PPARGC1B: variants seen among roughly 807,000 people sequenced by gnomAD.
PPARGC1B encodes the protein peroxisome proliferator-activated receptor gamma coactivator 1-beta.
In PPARGC1B, 34 loss-of-function variants were observed where a neutral mutation model predicts 101.6. That is an observed-to-expected ratio of 0.33 (90% CI 0.25 to 0.45). The LOEUF (loss-of-function observed/expected upper bound fraction) is 0.45. PPARGC1B is among the 20% of genes least tolerant of loss of function. The pLI, the probability that PPARGC1B is intolerant of heterozygous loss-of-function variation, is 1.00. For missense variants in PPARGC1B, 1,234 were observed against 1,317.6 expected, an observed-to-expected ratio of 0.94 and a Z score of 0.98; for synonymous variants, 548 against 539.3, an observed-to-expected ratio of 1.02 and a Z score of -0.22.
At chr5:149,786,569 CA>C (rs1444036201) in intron 1 of PPARGC1B, among the ~76,000 whole-genome samples, 3 of 152,192 alleles carry the variant, frequency 2.0e-5, no homozygotes, top group Non-Finnish European at 4.4e-5. Context: ...GAAGATTCCC[CA>C]GGGGCAGGAG....
In PPARGC1B at chr5:149,834,040, A is replaced by G. The variant is rs115989891; in HGVS notation, c.1705+262A>G. Among the ~76,000 whole-genome samples the G allele has an allele frequency of 4.4e-3, 664 of 152,388 alleles. 4 individuals are homozygous for G. The highest frequency in any genetic ancestry group is 0.014 in the African/African-American group (594 of 41,596). On this transcript the variant is annotated intron_variant, in intron 5 of 11. Transcript: ENST00000309241. ...ACTTAATGAATTAAGCAGGCAGTCAAAAAGTAAACAGAAAAGGAGGATAAT... is the reference window on the plus strand; with the variant it reads ...ACTTAATGAATTAAGCAGGCAGTCAGAAAGTAAACAGAAAAGGAGGATAAT...
chr5:149,742,955 A>G (rs7721656), intron 1 of PPARGC1B, among the ~76,000 whole-genome samples: 19,678 of 151,932 alleles, frequency 0.13, 1,470 homozygotes, highest in East Asian at 0.25. Flanking sequence ...ATCACTAGAT[A>G]TAGGTAAGAG....
intron 2 of PPARGC1B, among the ~76,000 whole-genome samples, chr5:149,825,522 C>CAGCT (rs1480280429): frequency 4.6e-5 from 7 of 152,368 alleles, no homozygotes; most frequent in African/African-American, 1.7e-4. Context: ...CTTTAAGTAT[C>CAGCT]AGCTGCTCAG....
At chr5:149,794,903 A>G (rs7718263) in intron 1 of PPARGC1B, among the ~76,000 whole-genome samples, 95,290 of 152,162 alleles carry the variant, frequency 0.63, 30,332 homozygotes, top group African/African-American at 0.71. Flanking sequence ...GTCTGCAGTC[A>G]TGGGGTGGGT....
At chr5:149,746,194 C>T (rs1007514210) in intron 1 of PPARGC1B, among the ~76,000 whole-genome samples, 1 of 152,062 alleles carries the variant, frequency 6.6e-6, no homozygotes, top group African/African-American at 2.4e-5. Context: ...CTTGCTGTTC[C>T]CTCTGCCGGC....
At chr5:149,815,935 G>C (rs563808638) in intron 1 of PPARGC1B, among the ~76,000 whole-genome samples, 1 of 152,328 alleles carries the variant, frequency 6.6e-6, no homozygotes, top group African/African-American at 2.4e-5. Context: ...AGCATGTATA[G>C]AAGGCACTTA....
downstream of PPARGC1B, among the ~76,000 whole-genome samples, chr5:149,855,821 TATAA>T (rs1254411164): frequency 2.6e-5 from 4 of 152,094 alleles, no homozygotes; most frequent in African/African-American, 9.7e-5. Flanking sequence ...GAGAATTATA[TATAA>T]ACAAGAACAG....
intron 1 of PPARGC1B, among the ~76,000 whole-genome samples, chr5:149,787,062 C>T (rs1203607817): frequency 6.6e-6 from 1 of 152,234 alleles, no homozygotes; most frequent in Non-Finnish European, 1.5e-5. Context: ...ACTCTGCTTT[C>T]CTCTGTGAGA....
intron 1 of PPARGC1B, among the ~76,000 whole-genome samples, chr5:149,762,136 T>C (rs1032096146): frequency 6.7e-6 from 1 of 148,920 alleles, no homozygotes; most frequent in African/African-American, 2.5e-5. Flanking sequence ...GTGGGTGACT[T>C]GGGTCAGGAA....
intron 1 of PPARGC1B, among the ~76,000 whole-genome samples, chr5:149,796,177 G>A (rs1026813245): frequency 6.6e-6 from 1 of 152,206 alleles, no homozygotes. Context: ...GTGTGACGGA[G>A]TAGGGAGGGT....
chr5:149,845,003 G>A (rs948532214), intron 10 of PPARGC1B, among the ~76,000 whole-genome samples: 2 of 152,220 alleles, frequency 1.3e-5, no homozygotes, highest in African/African-American at 4.8e-5. Context: ...GCAAAGACCT[G>A]AGATGGATTC....
intron 1 of PPARGC1B, among the ~76,000 whole-genome samples, chr5:149,797,716 T>C (rs961118963): frequency 1.3e-5 from 2 of 151,992 alleles, no homozygotes; most frequent in Admixed American, 1.3e-4. Flanking sequence ...AGGTGAGGAG[T>C]TCGAGACCAG....
At position 149,852,304 on chromosome 5, in the gene PPARGC1B, G is replaced by A. The variant is rs1759797042; in HGVS notation, c.*4746G>A. The A allele has an allele frequency of 1.3e-5, 2 of 152,194 alleles. No homozygotes were observed. Among genetic ancestry groups the A allele is most frequent in the South Asian group, 4.1e-4 (2 of 4,836 alleles). 9.4% of individuals were successfully genotyped at this position (152,194 alleles called of 1,614,324 possible). On this transcript the variant is annotated 3_prime_UTR_variant, in exon 12 of 12. Coordinates refer to ENST00000309241, the MANE Select transcript of PPARGC1B (RefSeq NM_133263.4). ...GCCCCTGTTTCCTCATCTACCAAAT[G>A]AGAATGTTGAATATGAGCATTAAAG...
intron 1 of PPARGC1B, among the ~76,000 whole-genome samples, chr5:149,805,479 C>T (rs1308550470): frequency 2.0e-5 from 3 of 152,062 alleles, no homozygotes; most frequent in Non-Finnish European, 2.9e-5. Flanking sequence ...TCACTGTGTC[C>T]CCCAGGCTGG....
Position 149,845,926 on chromosome 5 carries a change from A to T in PPARGC1B, c.2971+12A>T. 6.2e-7 allele frequency: 1 copy of T among 1,614,230 alleles called. No homozygotes were observed. The highest frequency in any genetic ancestry group is 8.5e-7 in the Non-Finnish European group (1 of 1,180,038). On this transcript the variant is annotated intron_variant, in intron 11 of 11. Coordinates refer to ENST00000309241, the MANE Select transcript of PPARGC1B (RefSeq NM_133263.4). The stretch of plus-strand genomic sequence containing the variant: ...ATACACTGACTACGGTAAGCCCCTG[A>T]AACCCAGCCACAGTCTAGTAAGACT...
At chr5:149,796,743 A>G (rs1271149288) in intron 1 of PPARGC1B, among the ~76,000 whole-genome samples, 1 of 152,090 alleles carries the variant, frequency 6.6e-6, no homozygotes, top group Non-Finnish European at 1.5e-5. Flanking sequence ...GGAATACTTA[A>G]ATTTTGCTCC....
intron 1 of PPARGC1B, among the ~76,000 whole-genome samples, chr5:149,766,647 T>C (rs1755921668): frequency 1.3e-5 from 2 of 152,244 alleles, no homozygotes; most frequent in Admixed American, 1.3e-4. Context: ...GGCTGCATTC[T>C]TGATTTCTGC....
At chr5:149,766,354 G>A (rs559164650) in intron 1 of PPARGC1B, among the ~76,000 whole-genome samples, 9 of 152,236 alleles carry the variant, frequency 5.9e-5, no homozygotes, top group African/African-American at 2.2e-4. Context: ...ATATTTAAAG[G>A]TATCGCTTAT....
At chr5:149,739,169 A>G (rs1244673393) in intron 1 of PPARGC1B, among the ~76,000 whole-genome samples, 1 of 152,242 alleles carries the variant, frequency 6.6e-6, no homozygotes, top group Non-Finnish European at 1.5e-5. Context: ...TAGAGAGAAC[A>G]GTATGGTGAA....
Sources: gnomAD v4.1 joint callset for allele counts (sites outside exome capture counted in the v4.1 genomes callset) on GRCh38, gnomAD v4.1.1 for gene constraint, MANE v1.5 for transcripts, NCBI Gene and HGNC (gene_info 2026-07-23, HGNC 2026-07-21) for gene names.